Variants in ISG20 observed in about 807,000 individuals in gnomAD.
ISG20 encodes interferon-stimulated gene 20 kDa protein.
Under a neutral mutation model 11.1 loss-of-function variants are expected in ISG20, and 8 were observed. The ratio of observed to expected loss-of-function variants is 0.72; its 90% CI spans 0.42 to 1.30. ISG20 has a LOEUF of 1.30. ISG20 is among the 50% of genes most tolerant of loss of function. The pLI is 0.01. For missense variants in ISG20, 243 were observed against 250.2 expected (o/e 0.97, Z 0.19); for synonymous variants, 110 against 101.7 (o/e 1.08, Z -0.49).
chr15:88,655,214 A>C (rs894302812), intron 3 of ISG20, among the ~76,000 whole-genome samples: 3 of 152,228 alleles, frequency 2.0e-5, no homozygotes, highest in African/African-American at 7.2e-5. Flanking sequence ...CTTTCGTGCC[A>C]CTGGCCCCAG....
intron 3 of ISG20, among the ~76,000 whole-genome samples, chr15:88,655,028 G>C (rs2058351781): frequency 6.6e-6 from 1 of 152,136 alleles, no homozygotes; most frequent in African/African-American, 2.4e-5. Context: ...TGTTCTCTCT[G>C]AGCAGCCCTT....
chr15:88,638,465 G>A (rs1596040362), upstream of ISG20, among the ~76,000 whole-genome samples: 1 of 152,174 alleles, frequency 6.6e-6, no homozygotes, highest in Admixed American at 6.5e-5. Flanking sequence ...GCTCATTGAG[G>A]CATCTGGAAC....
chr15:88,650,472 C>T lies in ISG20; in HGVS notation c.229-1638C>T, dbSNP rs2058255121. ...CACTGGCTTCAAGGCCTGGCTTTGCCACTAACTAGCCGTGTGACTGTCCCA... is the reference window on the plus strand; with the variant it reads ...CACTGGCTTCAAGGCCTGGCTTTGCTACTAACTAGCCGTGTGACTGTCCCA... On this transcript the variant is annotated intron_variant, in intron 2 of 3. Coordinates refer to ENST00000306072, the MANE Select transcript of ISG20 (RefSeq NM_002201.6). This position sits in a 1 kb window ranked among gnomAD's most constrained non-coding sequence, Gnocchi z 4.0. The T allele has an allele frequency of 6.9e-7, 1 of 1,441,592 alleles. No individual in the cohort carries two copies. The highest frequency in any genetic ancestry group is 2.6e-5 in the Admixed American group (1 of 38,520). 89.3% of individuals were successfully genotyped at this position (1,441,592 alleles called of 1,614,324 possible).
intron 2 of ISG20, among the ~76,000 whole-genome samples, chr15:88,642,712 G>C (rs1243509239): frequency 6.6e-6 from 1 of 152,158 alleles, no homozygotes; most frequent in Non-Finnish European, 1.5e-5. Flanking sequence ...CATCTCCCAG[G>C]TTCAAGGGAG....
Position 88,655,452 on chromosome 15 carries a change from G to C in ISG20, c.467G>C (p.Arg156Thr). 1.2e-6 allele frequency: 2 copies of C among 1,614,018 alleles called. No individual in the cohort carries two copies. The highest frequency in any genetic ancestry group is 1.7e-6 in the Non-Finnish European group (2 of 1,180,008). ...LLGHSSVEDA[R>T]ATMELYQISQ... is the part of the protein sequence containing the mutation. ...GGACACAGCTCGGTGGAAGATGCGA[G>C]GGCAACGATGGAGCTCTATCAAATC... The change falls in exon 4 of 4, where the codon AGG becomes ACG. Residue 156 changes from arginine (R) to threonine (T), a missense_variant. Coordinates refer to ENST00000306072, the MANE Select transcript of ISG20 (RefSeq NM_002201.6).
rs1279440205 is a variant in ISG20 at position 88,650,374 on chromosome 15, T to C, written c.229-1736T>C. 1 of 1,532,284 alleles carries C rather than the reference T, an allele frequency of 6.5e-7. No homozygotes were observed. The highest frequency in any genetic ancestry group is 8.7e-7 in the Non-Finnish European group (1 of 1,145,600). 94.9% of individuals were successfully genotyped at this position (1,532,284 alleles called of 1,614,324 possible). A position where few individuals can be genotyped will look rare whatever the true frequency, so the allele number is the denominator to read the frequency against. Reference sequence around the variant, plus strand: ...GGCAGTCACAGCTGGGCGCCTGGGCTGCTGGAGGCCTGGAGTGGTCGTTCA... The same window carrying C: ...GGCAGTCACAGCTGGGCGCCTGGGCCGCTGGAGGCCTGGAGTGGTCGTTCA... On this transcript the variant is annotated intron_variant, in intron 2 of 3. Coordinates refer to ENST00000306072, the MANE Select transcript of ISG20 (RefSeq NM_002201.6). The surrounding 1 kb of genome is among the most constrained non-coding windows in gnomAD (Gnocchi z 4.0).
At chr15:88,638,466 C>A (rs1370104697), upstream of ISG20, among the ~76,000 whole-genome samples, 1 of 152,180 alleles carries the variant, frequency 6.6e-6, no homozygotes, top group Admixed American at 6.5e-5. Flanking sequence ...CTCATTGAGG[C>A]ATCTGGAACC....
Position 88,639,924 on chromosome 15 carries a change from G to A in ISG20, c.228+330G>A, listed in dbSNP as rs751502511. 1.3e-5 allele frequency among the ~76,000 whole-genome samples: 2 copies of A among 152,228 alleles called. No individual in the cohort carries two copies. The highest frequency in any genetic ancestry group is 2.9e-5 in the Non-Finnish European group (2 of 68,038). The stretch of plus-strand genomic sequence containing the variant: ...CTTCCCTCTACCCCAGGCTGCCACT[G>A]GTGAGACCTGTGGGGAAATGAGAGG... On this transcript the variant is annotated intron_variant, in intron 2 of 3. Coordinates refer to ENST00000306072, the MANE Select transcript of ISG20 (RefSeq NM_002201.6). The surrounding 1 kb of genome is among the most constrained non-coding windows in gnomAD (Gnocchi z 4.2).
chr15:88,654,774 GTCA>G (rs905215380), intron 3 of ISG20, among the ~76,000 whole-genome samples: 5 of 152,134 alleles, frequency 3.3e-5, no homozygotes, highest in African/African-American at 1.2e-4. Flanking sequence ...ATGGTAAATG[GTCA>G]TCGCTTCTCC....
At chr15:88,637,563 G>A (rs114142568), upstream of ISG20, 1,389 of 152,440 alleles carry the variant, frequency 9.1e-3, 18 homozygotes, top group African/African-American at 0.032. Context: ...ACAGGAAAGG[G>A]GAAACGGTAA....
chr15:88,647,244 C>G (rs996937377), intron 2 of ISG20: 2 of 152,158 alleles, frequency 1.3e-5, no homozygotes, highest in Admixed American at 1.3e-4. Flanking sequence ...GACCCCCCCC[C>G]CACTCCACCC....
rs780938636 is a variant in ISG20 at position 88,655,498 on chromosome 15, C to T, written c.513C>T (p.Arg171=). The T allele has an allele frequency of 6.2e-7, 1 of 1,613,782 alleles. No individual in the cohort carries two copies. The highest frequency in any genetic ancestry group is 2.2e-5 in the East Asian group (1 of 44,890). ...LYQISQRIRA[R]RGLPRLAVSD is the part of the protein sequence containing the mutation. Reference sequence around the variant, plus strand: ...AAATCTCCCAGAGAATCCGAGCCCGCCGAGGGCTGCCCCGCCTGGCTGTGT... The same window carrying T: ...AAATCTCCCAGAGAATCCGAGCCCGTCGAGGGCTGCCCCGCCTGGCTGTGT... Residue 171 remains arginine, a synonymous_variant, in exon 4 of 4, where the codon CGC becomes CGT. Transcript: ENST00000306072.
In ISG20 at chr15:88,639,212, C is replaced by T. The variant is rs1328495277; in HGVS notation, c.-24-131C>T. ...GGGGATGGGGGAGGCAAGAGGCCAG[C>T]TTCCACTGTGGCCAGGTGGTGTCGG... On this transcript the variant is annotated intron_variant, in intron 1 of 3. Coordinates refer to ENST00000306072, the MANE Select transcript of ISG20 (RefSeq NM_002201.6). The surrounding 1 kb of genome is among the most constrained non-coding windows in gnomAD (Gnocchi z 4.2). The T allele has an allele frequency of 1.6e-6, 1 of 624,730 alleles. No homozygotes were observed. The highest frequency in any genetic ancestry group is 2.8e-6 in the Non-Finnish European group (1 of 357,660). 38.7% of individuals were successfully genotyped at this position (624,730 alleles called of 1,614,324 possible). A position where few individuals can be genotyped will look rare whatever the true frequency, so the allele number is the denominator to read the frequency against.
Position 88,652,256 on chromosome 15 carries a change from C to T in ISG20, c.375C>T (p.Cys125=), listed in dbSNP as rs1489856753. Residue 125 remains cysteine (C), a synonymous_variant, in exon 3 of 4, where the codon TGC becomes TGT. Transcript: ENST00000306072. ...GGCGTGAGGCCAAGCTGGACCACTGCAGGCGTGTCTCCCTGCGGGTGCTGA... is the reference window on the plus strand; with the variant it reads ...GGCGTGAGGCCAAGCTGGACCACTGTAGGCGTGTCTCCCTGCGGGTGCTGA... The part of the protein sequence containing the change: ...LLWREAKLDH[C]RRVSLRVLSE... 1 of 1,613,964 alleles carries T rather than the reference C, an allele frequency of 6.2e-7. No homozygotes were observed. The highest frequency in any genetic ancestry group is 1.3e-5 in the African/African-American group (1 of 75,034).
upstream of ISG20, chr15:88,639,005 T>C (rs1186499572): frequency 3.0e-6 from 1 of 331,900 alleles, no homozygotes; most frequent in Non-Finnish European, 5.7e-6. This position sits in a 1 kb window ranked among gnomAD's most constrained non-coding sequence, Gnocchi z 4.2. Flanking sequence ...GAGTCACCGC[T>C]GAGAGCAGCT....
At chr15:88,645,635 C>G (rs1368636498) in intron 2 of ISG20, among the ~76,000 whole-genome samples, 2 of 152,154 alleles carry the variant, frequency 1.3e-5, no homozygotes, top group Non-Finnish European at 2.9e-5. Flanking sequence ...TGCTTTCTCT[C>G]ATAGCTCAGC....
rs144237159 is a variant in ISG20, at chr15:88,642,079, G to A, written c.228+2485G>A. ...CTCCCAAGTTGTAGTATAGGTGTCC[G>A]CCACCACGCCTGGCTAATTTTTTAT... On this transcript the variant is annotated intron_variant, in intron 2 of 3. Coordinates refer to ENST00000306072, the MANE Select transcript of ISG20 (RefSeq NM_002201.6). Among the ~76,000 whole-genome samples the A allele has an allele frequency of 5.6e-4, 85 of 152,004 alleles. 2 individuals carry two copies. In the East Asian group the frequency reaches 0.016, roughly 29 times the overall value.
intron 3 of ISG20, 43 bp from the exon 4 acceptor site, chr15:88,655,372 T>C (rs1476714053): frequency 1.3e-6 from 2 of 1,572,268 alleles, no homozygotes; most frequent in Non-Finnish European, 1.8e-6. Context: ...GGCCTCTGAA[T>C]TCAGCCTCAT....
At position 88,650,614 on chromosome 15, in the gene ISG20, C is replaced by T. The variant is rs2058257653; in HGVS notation, c.229-1496C>T. On this transcript the variant is annotated intron_variant, in intron 2 of 3. Transcript: ENST00000306072. This position sits in a 1 kb window ranked among gnomAD's most constrained non-coding sequence, Gnocchi z 4.0. The stretch of plus-strand genomic sequence containing the variant: ...GGTGCTCTGCAGCAGGACAGGCCGT[C>T]AGTTAAGGCACCTTGAAGGCTGGGG... 1 of 463,092 alleles carries T rather than the reference C, an allele frequency of 2.2e-6. No individual in the cohort carries two copies. Among genetic ancestry groups the T allele is most frequent in the African/African-American group, 2.0e-5 (1 of 49,374 alleles). The allele number at this position is 463,092 out of a possible 1,614,324, so 28.7% of individuals were successfully genotyped here.
Sources: gnomAD v4.1 joint callset for allele counts (sites outside exome capture counted in the v4.1 genomes callset) on GRCh38, gnomAD v4.1.1 for gene constraint, Gnocchi (gnomAD v3.1) non-coding constraint, MANE v1.5 for transcripts, NCBI Gene and HGNC (gene_info 2026-07-23, HGNC 2026-07-21) for gene names.